Variants in HS3ST3A1 observed in about 807,000 individuals in gnomAD.
HS3ST3A1 encodes the protein heparan sulfate-glucosamine 3-sulfotransferase 3A1.
HS3ST3A1 carries 19 observed loss-of-function variants against 25.7 expected under a neutral mutation model. The observed-to-expected ratio is 0.74, with a 90% CI of 0.52 to 1.08. The LOEUF (loss-of-function observed/expected upper bound fraction) is 1.08. Ranked by LOEUF, HS3ST3A1 falls within the 50% of genes least tolerant of loss-of-function variation. The pLI is 0.00. For missense variants in HS3ST3A1, 459 were observed against 594.3 expected (o/e 0.77, Z 2.37); for synonymous variants, 226 against 278.6 (o/e 0.81, Z 1.88).
At chr17:13,584,358 CG>C (rs1879911134) in intron 1 of HS3ST3A1, among the ~76,000 whole-genome samples, 1 of 150,524 alleles carries the variant, frequency 6.6e-6, no homozygotes, top group South Asian at 2.1e-4. Flanking sequence ...TACATGGCTA[CG>C]TGTGTTTAAT....
intron 1 of HS3ST3A1, among the ~76,000 whole-genome samples, chr17:13,586,169 C>G (rs1002759808): frequency 6.6e-5 from 10 of 152,144 alleles, no homozygotes; most frequent in African/African-American, 2.4e-4. Flanking sequence ...ATCACAGTTA[C>G]AGTTACTAAT....
chr17:13,588,363 C>G (rs1401171000), intron 1 of HS3ST3A1, among the ~76,000 whole-genome samples: 1 of 152,046 alleles, frequency 6.6e-6, no homozygotes, highest in Non-Finnish European at 1.5e-5. Flanking sequence ...GGTACAGTTC[C>G]AAGCCATGGG....
intron 1 of HS3ST3A1, among the ~76,000 whole-genome samples, chr17:13,528,475 G>C (rs1169121651): frequency 6.6e-6 from 1 of 152,180 alleles, no homozygotes; most frequent in East Asian, 1.9e-4. Context: ...CCAAGGCTTA[G>C]CCCAGTGACT....
intron 1 of HS3ST3A1, among the ~76,000 whole-genome samples, chr17:13,518,323 A>G (rs1266947170): frequency 6.6e-6 from 1 of 152,210 alleles, no homozygotes; most frequent in Non-Finnish European, 1.5e-5. Context: ...ACATTTCCCA[A>G]TGTTAAAAAG....
chr17:13,546,513 G>A (rs1027937490), intron 1 of HS3ST3A1, among the ~76,000 whole-genome samples: 3 of 152,106 alleles, frequency 2.0e-5, no homozygotes, highest in African/African-American at 7.2e-5. Context: ...TGATCTACCC[G>A]CCTCGGCCTC....
intron 1 of HS3ST3A1, among the ~76,000 whole-genome samples, chr17:13,509,732 A>G (rs775501673): frequency 4.6e-4 from 70 of 152,206 alleles, no homozygotes; most frequent in Non-Finnish European, 7.9e-4. Flanking sequence ...ACTAAAAATT[A>G]GAACTGGAAA....
Position 13,494,928 on chromosome 17 carries a change from GAAGT to G in HS3ST3A1, c.*1265_*1268del. The stretch of plus-strand genomic sequence containing the variant: ...ATTAGGTTATAAATGGTATAAATAG[GAAGT>G]GGGAGGGGGGAATAAAGTGACAAAA... On this transcript the variant is annotated 3_prime_UTR_variant, in exon 2 of 2. Coordinates refer to ENST00000284110, the MANE Select transcript of HS3ST3A1 (RefSeq NM_006042.3). Among the ~76,000 whole-genome samples, 1 of 152,106 alleles carries G rather than the reference GAAGT, an allele frequency of 6.6e-6. No individual in the cohort carries two copies. Among genetic ancestry groups the G allele is most frequent in the East Asian group, 1.9e-4 (1 of 5,194 alleles).
chr17:13,578,393 C>CA (rs397960321), intron 1 of HS3ST3A1, among the ~76,000 whole-genome samples: 19,962 of 94,772 alleles, frequency 0.21, 1,690 homozygotes, highest in Non-Finnish European at 0.24. Context: ...TACAAAAATA[C>CA]AAAAAAAAAA....
In HS3ST3A1 at chr17:13,579,045, C is replaced by G. The variant is rs150858725; in HGVS notation, c.599+21486G>C. 4.4e-3 allele frequency among the ~76,000 whole-genome samples: 663 copies of G among 152,192 alleles called. 4 individuals are homozygous for G. Among genetic ancestry groups the G allele is most frequent in the African/African-American group, 0.015 (623 of 41,530 alleles). On this transcript the variant is annotated intron_variant, in intron 1 of 1. Transcript: ENST00000284110. Reference sequence around the variant, plus strand: ...TTTTTAAATTCCCAGATGCCTAGCACTGTGTATCTTTTCAAAAAAGAAAGC... The same window carrying G: ...TTTTTAAATTCCCAGATGCCTAGCAGTGTGTATCTTTTCAAAAAAGAAAGC...
At chr17:13,584,478 A>G (rs1176714493) in intron 1 of HS3ST3A1, among the ~76,000 whole-genome samples, 2 of 90,754 alleles carry the variant, frequency 2.2e-5, no homozygotes, top group Non-Finnish European at 5.2e-5. Flanking sequence ...AGGAAGGGAG[A>G]GACGGAGGGA....
chr17:13,599,973 T>A (rs1908675394), intron 1 of HS3ST3A1, among the ~76,000 whole-genome samples: 1 of 152,248 alleles, frequency 6.6e-6, no homozygotes, highest in Non-Finnish European at 1.5e-5. Context: ...TTTCCCTTGC[T>A]CAGACAGACA....
rs1905214854 is a variant in HS3ST3A1 at position 13,494,353 on chromosome 17, G to C, written c.*1844C>G. ...AACTTCTATAAATGGGATATTAACA[G>C]ATAAATCCAAAGATTTGGAGCAATG... On this transcript the variant is annotated 3_prime_UTR_variant, in exon 2 of 2. Coordinates refer to ENST00000284110, the MANE Select transcript of HS3ST3A1 (RefSeq NM_006042.3). Among the ~76,000 whole-genome samples the C allele has an allele frequency of 6.6e-6, 1 of 152,140 alleles. No individual in the cohort carries two copies. Among genetic ancestry groups the C allele is most frequent in the South Asian group, 2.1e-4 (1 of 4,826 alleles).
At chr17:13,551,347 CAATAAATAAATAAATAAATA>C (rs71144973) in intron 1 of HS3ST3A1, among the ~76,000 whole-genome samples, 37 of 141,376 alleles carry the variant, frequency 2.6e-4, no homozygotes, top group South Asian at 1.2e-3. Flanking sequence ...GACTCCATCT[CAATAAATAAATAAATAAATA>C]AATAAATAAA....
intron 1 of HS3ST3A1, among the ~76,000 whole-genome samples, chr17:13,556,534 AAAAT>A (rs1315750061): frequency 6.6e-6 from 1 of 150,538 alleles, no homozygotes; most frequent in Admixed American, 6.7e-5. Context: ...AAAAGAAAAT[AAAAT>A]AAATAGATAA....
At chr17:13,565,150 T>C (rs1907646290) in intron 1 of HS3ST3A1, among the ~76,000 whole-genome samples, 1 of 152,112 alleles carries the variant, frequency 6.6e-6, no homozygotes, top group South Asian at 2.1e-4. Flanking sequence ...TTAGAAATTA[T>C]TATTTCAGTG....
At position 13,496,900 on chromosome 17, in the gene HS3ST3A1, A is replaced by G. The variant is rs557938373; in HGVS notation, c.600-82T>C. The G allele has an allele frequency of 4.8e-3, 7,390 of 1,531,018 alleles. 26 individuals carry two copies. Among genetic ancestry groups the G allele is most frequent in the Non-Finnish European group, 5.9e-3 (6,742 of 1,137,842 alleles). The allele number at this position is 1,531,018 out of a possible 1,614,324, so 94.8% of individuals were successfully genotyped here. A position where few individuals can be genotyped will look rare whatever the true frequency, so the allele number is the denominator to read the frequency against. ...AGACTGTCAAGTACACGCTGGAGCC[A>G]GGCCGCAATTCCAGCCCCCGCAACC... On this transcript the variant is annotated intron_variant, in intron 1 of 1. Coordinates refer to ENST00000284110, the MANE Select transcript of HS3ST3A1 (RefSeq NM_006042.3).
At chr17:13,588,459 A>T (rs1400927306) in intron 1 of HS3ST3A1, among the ~76,000 whole-genome samples, 1 of 152,174 alleles carries the variant, frequency 6.6e-6, no homozygotes, top group African/African-American at 2.4e-5. Context: ...AAGCACATTC[A>T]TTTTAGTCTT....
At chr17:13,593,038 A>G (rs1304350431) in intron 1 of HS3ST3A1, among the ~76,000 whole-genome samples, 1 of 152,160 alleles carries the variant, frequency 6.6e-6, no homozygotes, top group Non-Finnish European at 1.5e-5. Flanking sequence ...GCTCCTATGG[A>G]AAGTTTCATA....
At chr17:13,508,644 C>A (rs1182250299) in intron 1 of HS3ST3A1, among the ~76,000 whole-genome samples, 5 of 152,136 alleles carry the variant, frequency 3.3e-5, no homozygotes. Context: ...TGTAAAATAC[C>A]ATTTCTAACA....
Sources: gnomAD v4.1 joint callset for allele counts (sites outside exome capture counted in the v4.1 genomes callset) on GRCh38, gnomAD v4.1.1 for gene constraint, MANE v1.5 for transcripts, NCBI Gene and HGNC (gene_info 2026-07-23, HGNC 2026-07-21) for gene names.